The following TLN2 variants were observed in gnomAD, a reference collection of about 807,000 sequenced individuals.
TLN2 encodes the protein talin-2.
In TLN2, 118 loss-of-function variants were observed where a neutral mutation model predicts 294.7. The ratio of observed to expected loss-of-function variants is 0.40; its 90% CI spans 0.34 to 0.47. The LOEUF (loss-of-function observed/expected upper bound fraction) is 0.47. Ranked by LOEUF, TLN2 falls within the 20% of genes least tolerant of loss-of-function variation. TLN2 has a pLI of 0.84. For synonymous variants in TLN2, 1,431 were observed against 1,304.5 expected (o/e 1.10, Z -2.09); for missense variants, 3,083 against 3,282.2 (o/e 0.94, Z 1.48).
At chr15:62,446,292 T>C (rs2035821168) in intron 1 of TLN2, among the ~76,000 whole-genome samples, 1 of 152,188 alleles carries the variant, frequency 6.6e-6, no homozygotes. Context: ...CGCGCCCGGC[T>C]TAAGCTCTGT....
chr15:62,400,323 G>T (rs1359883613), intron 1 of TLN2, among the ~76,000 whole-genome samples: 1 of 152,222 alleles, frequency 6.6e-6, no homozygotes, highest in Non-Finnish European at 1.5e-5. Context: ...TGTGAGAATG[G>T]ATTAATACAG....
intron 21 of TLN2, among the ~76,000 whole-genome samples, chr15:62,711,015 C>G (rs959729254): frequency 6.6e-6 from 1 of 152,046 alleles, no homozygotes; most frequent in African/African-American, 2.4e-5. Context: ...CGTGAGCCAC[C>G]GCGCCTGGCC....
chr15:62,623,188 C>T (rs1052670093), intron 3 of TLN2, among the ~76,000 whole-genome samples: 3 of 152,160 alleles, frequency 2.0e-5, no homozygotes, highest in South Asian at 2.1e-4. Flanking sequence ...TTACTGTATC[C>T]GTATAAACAA....
intron 55 of TLN2, chr15:62,835,323 G>A: frequency 1.0e-5 from 2 of 199,752 alleles, no homozygotes; most frequent in Non-Finnish European, 2.1e-5. Flanking sequence ...TGGTTTTCAG[G>A]GTCAGTAATC....
chr15:62,644,626 C>T, intron 3 of TLN2: 1 of 456,012 alleles, frequency 2.2e-6, no homozygotes, highest in Non-Finnish European at 4.4e-6. Context: ...AGCCTCTCTC[C>T]TGTGCACCTT....
At chr15:62,728,890 T>G (rs1595809672) in intron 28 of TLN2, among the ~76,000 whole-genome samples, 2 of 152,332 alleles carry the variant, frequency 1.3e-5, no homozygotes, top group East Asian at 3.9e-4. Flanking sequence ...TCTTTATGGT[T>G]AGTACTTTTT....
intron 1 of TLN2, among the ~76,000 whole-genome samples, chr15:62,578,324 T>C (rs1295661083): frequency 6.6e-6 from 1 of 152,176 alleles, no homozygotes; most frequent in Non-Finnish European, 1.5e-5. Context: ...CTCAGCACTT[T>C]GGAAGGCTGA....
intron 1 of TLN2, among the ~76,000 whole-genome samples, chr15:62,425,311 AC>A (rs1374801173): frequency 2.7e-5 from 4 of 147,840 alleles, no homozygotes; most frequent in Non-Finnish European, 1.5e-5. Context: ...GGGGATGAGC[AC>A]CCCTGGGGAA....
intron 13 of TLN2, among the ~76,000 whole-genome samples, chr15:62,693,685 C>T (rs2058096387): frequency 6.6e-6 from 1 of 151,848 alleles, no homozygotes; most frequent in Admixed American, 6.6e-5. Flanking sequence ...CTTCAAGATA[C>T]AGCCCATTCA....
intron 41 of TLN2, among the ~76,000 whole-genome samples, chr15:62,768,460 C>T (rs7165935): frequency 0.18 from 27,219 of 152,094 alleles, 2,527 homozygotes; most frequent in East Asian, 0.24. Context: ...GAGCCCGTCC[C>T]GGTAACTCAG....
chr15:62,667,163 T>A (rs1368462034), intron 9 of TLN2, among the ~76,000 whole-genome samples: 2 of 152,128 alleles, frequency 1.3e-5, no homozygotes, highest in Non-Finnish European at 2.9e-5. Context: ...AGACGGGGTT[T>A]CACCATGTTA....
At chr15:62,484,376 A>G (rs930047000) in intron 1 of TLN2, among the ~76,000 whole-genome samples, 3 of 152,186 alleles carry the variant, frequency 2.0e-5, no homozygotes, top group Non-Finnish European at 4.4e-5. Flanking sequence ...AACGGAGGTC[A>G]TTCATTTTGT....
intron 37 of TLN2, 84 bp downstream of exon 37, chr15:62,755,777 C>T: frequency 6.6e-7 from 1 of 1,509,156 alleles, no homozygotes; most frequent in Admixed American, 1.9e-5. Flanking sequence ...AGCTCCACTC[C>T]TCTCCTTGTC....
intron 57 of TLN2, among the ~76,000 whole-genome samples, chr15:62,837,752 G>A (rs1205376587): frequency 6.6e-6 from 1 of 152,122 alleles, no homozygotes; most frequent in African/African-American, 2.4e-5. Flanking sequence ...AAACCCTTTG[G>A]CAAATAAGCA....
chr15:62,602,640 T>A (rs777433345), intron 2 of TLN2, among the ~76,000 whole-genome samples: 23 of 152,156 alleles, frequency 1.5e-4, no homozygotes, highest in Non-Finnish European at 2.8e-4. Flanking sequence ...CTGGTGAGGG[T>A]GCACTTGCTG....
rs1028816740 is a variant in TLN2, at chr15:62,840,718, G to A, written c.*108G>A. 13 of 1,455,256 alleles carry A rather than the reference G, an allele frequency of 8.9e-6. No individual in the cohort carries two copies. Among genetic ancestry groups the A allele is most frequent in the Middle Eastern group, 4.6e-4 (2 of 4,340 alleles). 90.1% of individuals were successfully genotyped at this position (1,455,256 alleles called of 1,614,324 possible). A position where few individuals can be genotyped will look rare whatever the true frequency, so the allele number is the denominator to read the frequency against. On this transcript the variant is annotated 3_prime_UTR_variant, in exon 59 of 59. Coordinates refer to ENST00000636159, the MANE Select transcript of TLN2 (RefSeq NM_015059.3). ...GCTGGAAACCGCCCACCTCCCTCCCGGGTGAGCCTGGAGCCCTGCGTGCTT... is the reference window on the plus strand; with the variant it reads ...GCTGGAAACCGCCCACCTCCCTCCCAGGTGAGCCTGGAGCCCTGCGTGCTT...
intron 30 of TLN2, among the ~76,000 whole-genome samples, chr15:62,738,765 CTT>C (rs2061163628): frequency 6.6e-6 from 1 of 152,112 alleles, no homozygotes. Flanking sequence ...GCTGGTGCAT[CTT>C]TGTTTCTTCT....
chr15:62,656,463 C>A (rs930994741), intron 8 of TLN2, among the ~76,000 whole-genome samples: 11 of 152,226 alleles, frequency 7.2e-5, no homozygotes, highest in Admixed American at 7.2e-4. Flanking sequence ...TCAGGACTCT[C>A]ATTAACTGGA....
At chr15:62,502,061 A>T (rs567577235) in intron 1 of TLN2, among the ~76,000 whole-genome samples, 1 of 152,212 alleles carries the variant, frequency 6.6e-6, no homozygotes, top group Non-Finnish European at 1.5e-5. Flanking sequence ...TTATAGGAGA[A>T]CTAGTCACAG....
Sources: allele counts gnomAD v4.1 joint callset (sites outside exome capture counted in the v4.1 genomes callset), GRCh38; gene constraint gnomAD v4.1.1; transcripts MANE v1.5; gene names NCBI Gene and HGNC (gene_info 2026-07-23, HGNC 2026-07-21).